Variants in OPTC observed in about 807,000 individuals in gnomAD.
OPTC encodes the protein oculoglycan.
Under a neutral mutation model 25.4 loss-of-function variants are expected in OPTC, and 22 were observed. That is an observed-to-expected ratio of 0.87 (90% CI 0.62 to 1.24). The LOEUF (loss-of-function observed/expected upper bound fraction) is 1.24, where lower values mean the gene tolerates loss of function less well. OPTC is among the 50% of genes most tolerant of loss of function. OPTC has a pLI of 0.00. For synonymous variants in OPTC, 169 were observed against 179.3 expected (o/e 0.94, Z 0.46); for missense variants, 417 against 425.2 (o/e 0.98, Z 0.17).
chr1:203,502,782 T>C (rs1408961002), intron 5 of OPTC, 132 bp from the exon 6 acceptor site: 3 of 744,618 alleles, frequency 4.0e-6, no homozygotes, highest in African/African-American at 1.7e-5. Flanking sequence ...AGCACAGAGC[T>C]TGGCGCATGG....
intron 2 of OPTC, 118 bp from the exon 3 acceptor site, chr1:203,496,859 C>T (rs1010695163): frequency 9.4e-7 from 1 of 1,059,082 alleles, no homozygotes; most frequent in Non-Finnish European, 1.5e-6. Context: ...CTTCCCTCCT[C>T]CTCCTCCACA....
In OPTC at chr1:203,497,062, C is replaced by T. The variant is rs61731863; in HGVS notation, c.317C>T (p.Thr106Met). 2,280 of 1,614,118 alleles carry T rather than the reference C, an allele frequency of 1.4e-3. 51 individuals are homozygous for T. In the Admixed American group the frequency reaches 0.033, roughly 23 times the overall value. The change falls in exon 3 of 8, where the codon ACG becomes ATG. Residue 106 changes from threonine (T) to methionine (M), a missense_variant. Transcript: ENST00000367222. ...CCAGGGACACCCTCGTCAAACCCCA[C>T]GATGACCAGACCTACTACAGCAGGG... The part of the protein sequence containing the change: ...TAPGTPSSNP[T>M]MTRPTTAGLL...
chr1:203,505,130 T>A (rs1373657064), intron 7 of OPTC, among the ~76,000 whole-genome samples: 2 of 152,168 alleles, frequency 1.3e-5, no homozygotes, highest in Non-Finnish European at 2.9e-5. Flanking sequence ...GGGAATTCAC[T>A]TACTCACGCA....
chr1:203,507,952 T>C (rs1487892770), intron 7 of OPTC, among the ~76,000 whole-genome samples: 1 of 152,210 alleles, frequency 6.6e-6, no homozygotes, highest in Non-Finnish European at 1.5e-5. Flanking sequence ...CTCTTACATT[T>C]CTGCTGTCAG....
Position 203,498,704 on chromosome 1 carries a change from G to A in OPTC, c.394G>A (p.Val132Met), listed in dbSNP as rs201025935. 44 of 1,614,192 alleles carry A rather than the reference G, an allele frequency of 2.7e-5. No individual in the cohort carries two copies. Among genetic ancestry groups the A allele is most frequent in the Middle Eastern group, 1.6e-4 (1 of 6,062 alleles). The part of the protein sequence containing the change: ...NHGLPTCLVC[V>M]CLGSSVYCDD... ...AGGTCTGCCCACCTGCCTGGTCTGC[G>A]TGTGCCTCGGTTCCTCTGTGTATTG... Residue 132 changes from valine to methionine, a missense_variant, in exon 4 of 8, where the codon GTG becomes ATG. Val to Met is a conservative substitution (Grantham distance 21, BLOSUM62 1). Coordinates refer to ENST00000367222, the MANE Select transcript of OPTC (RefSeq NM_014359.4).
At chr1:203,494,418 G>C (rs1213082582) in intron 1 of OPTC, among the ~76,000 whole-genome samples, 1 of 152,182 alleles carries the variant, frequency 6.6e-6, no homozygotes, top group Non-Finnish European at 1.5e-5. Context: ...GTGAGGTATG[G>C]GAGGTAAGGT....
In OPTC at chr1:203,499,753, C is replaced by A. The variant is rs1339557463; in HGVS notation, c.634C>A (p.Gln212Lys). 6.2e-7 allele frequency: 1 copy of A among 1,613,112 alleles called. No individual in the cohort carries two copies. Residue 212 changes from glutamine to lysine, a missense_variant, in exon 5 of 8, where the codon CAG (glutamine) becomes AAG (lysine). By Grantham distance (53) the Gln-to-Lys change is moderately conservative. Coordinates refer to ENST00000367222, the MANE Select transcript of OPTC (RefSeq NM_014359.4). ...ALQDLILPEN[Q>K]LEALPVLPSG... ...CCAGGACCTCATCCTCCCAGAGAAC[C>A]AGTTGGAAGCTCTGCCCGTGCTGCC...
chr1:203,496,900 T>A (rs182132371), intron 2 of OPTC, 77 bp from the exon 3 acceptor site: 1 of 1,486,588 alleles, frequency 6.7e-7, no homozygotes, highest in South Asian at 1.1e-5. Context: ...AATCCATCAC[T>A]GAGGTTCCCA....
intron 3 of OPTC, 64 bp from the exon 4 acceptor site, chr1:203,498,617 G>T: frequency 6.3e-7 from 1 of 1,597,714 alleles, no homozygotes. Context: ...ACTCCCTGGG[G>T]CGAGGGCCAT....
chr1:203,500,351 C>A (rs1030509224), intron 5 of OPTC, among the ~76,000 whole-genome samples: 1 of 120,122 alleles, frequency 8.3e-6, no homozygotes, highest in African/African-American at 3.3e-5. Context: ...TATCACCACC[C>A]ACCTCCACCT....
intron 7 of OPTC, among the ~76,000 whole-genome samples, chr1:203,507,362 G>A (rs1038421526): frequency 6.6e-6 from 1 of 152,164 alleles, no homozygotes. Flanking sequence ...GGGCTGTGGG[G>A]TCCAGCCAGG....
intron 7 of OPTC, 46 bp downstream of exon 7, chr1:203,503,791 A>G: frequency 6.7e-7 from 1 of 1,502,456 alleles, no homozygotes; most frequent in Non-Finnish European, 9.1e-7. Context: ...TCCAGCCATA[A>G]AGCCCAATTC....
At chr1:203,497,590 A>AG (rs910984480) in intron 3 of OPTC, among the ~76,000 whole-genome samples, 1 of 152,130 alleles carries the variant, frequency 6.6e-6, no homozygotes, top group Non-Finnish European at 1.5e-5. Flanking sequence ...GCCCTCCTGG[A>AG]GGCTGCGGCT....
intron 6 of OPTC, among the ~76,000 whole-genome samples, chr1:203,503,254 C>T (rs538378061): frequency 5.3e-5 from 8 of 152,302 alleles, no homozygotes; most frequent in African/African-American, 1.7e-4. Flanking sequence ...TATTTTATCT[C>T]ACCCAACTGC....
At chr1:203,497,544 A>G (rs1571596384) in intron 3 of OPTC, among the ~76,000 whole-genome samples, 1 of 152,296 alleles carries the variant, frequency 6.6e-6, no homozygotes, top group East Asian at 1.9e-4. Flanking sequence ...TTCAGCTTCA[A>G]AGTCCCTCCT....
chr1:203,498,961 C>A, intron 4 of OPTC, 122 bp downstream of exon 4: 1 of 1,090,104 alleles, frequency 9.2e-7, no homozygotes, highest in Non-Finnish European at 1.4e-6. Context: ...GGCTCTCAGT[C>A]CCTCCAGCTG....
At chr1:203,508,209 C>T (rs1031429981) in intron 7 of OPTC, among the ~76,000 whole-genome samples, 2 of 152,208 alleles carry the variant, frequency 1.3e-5, no homozygotes, top group African/African-American at 2.4e-5. Context: ...ATCCCATCTC[C>T]AGCTCCTGGA....
intron 7 of OPTC, among the ~76,000 whole-genome samples, chr1:203,504,357 G>A (rs1285784331): frequency 6.6e-6 from 1 of 152,094 alleles, no homozygotes; most frequent in Non-Finnish European, 1.5e-5. Flanking sequence ...CTGTATGGGG[G>A]AAACTCTAGA....
rs190265880 is a variant in OPTC, at chr1:203,496,873, A to T, written c.232-104A>T. 2.5e-5 allele frequency: 30 copies of T among 1,215,934 alleles called. No individual in the cohort carries two copies. In the East Asian group the frequency reaches 6.0e-4, roughly 25 times the overall value. The allele number at this position is 1,215,934 out of a possible 1,614,324, so 75.3% of individuals were successfully genotyped here. A position where few individuals can be genotyped will look rare whatever the true frequency, so the allele number is the denominator to read the frequency against. On this transcript the variant is annotated intron_variant, in intron 2 of 7. Coordinates refer to ENST00000367222, the MANE Select transcript of OPTC (RefSeq NM_014359.4). ...CCTTCCCTCCTCCTCCTCCACAGTG[A>T]CTCTTTGCTGGTTTGAAATCCATCA...
Sources: gnomAD v4.1 joint callset for allele counts (sites outside exome capture counted in the v4.1 genomes callset) on GRCh38, gnomAD v4.1.1 for gene constraint, MANE v1.5 for transcripts, NCBI Gene and HGNC (gene_info 2026-07-23, HGNC 2026-07-21) for gene names.